The following CD96 variants were observed in gnomAD, a reference collection of about 807,000 sequenced individuals.
CD96 encodes the protein CD96 molecule.
CD96 carries 70 observed loss-of-function variants against 71.3 expected under a neutral mutation model. The ratio of observed to expected loss-of-function variants is 0.98; its 90% CI spans 0.81 to 1.20. CD96 has a LOEUF of 1.20. Ranked by LOEUF, CD96 falls within the 50% of genes most tolerant of loss-of-function variation. CD96 has a pLI of 0.00. For synonymous variants in CD96, 248 were observed against 233.0 expected, an observed-to-expected ratio of 1.06 and a Z score of -0.59; for missense variants, 742 against 677.5, an observed-to-expected ratio of 1.10 and a Z score of -1.06.
chr3:111,593,172 AGCCT>A, intron 5 of CD96: 1 of 170,854 alleles, frequency 5.9e-6, no homozygotes, highest in South Asian at 1.7e-4. Flanking sequence ...CTACCTAACC[AGCCT>A]CAGCCCTCAA....
At chr3:111,580,315 A>G (rs574147969) in intron 4 of CD96, among the ~76,000 whole-genome samples, 101 of 152,348 alleles carry the variant, frequency 6.6e-4, no homozygotes, top group Middle Eastern at 3.4e-3. Context: ...CAGTGGTACA[A>G]GGAAGTACCA....
chr3:111,587,008 C>A (rs1157656696), intron 5 of CD96, among the ~76,000 whole-genome samples: 1 of 152,088 alleles, frequency 6.6e-6, no homozygotes, highest in Non-Finnish European at 1.5e-5. Context: ...TGCCTATGAA[C>A]CTGTAAAATC....
At chr3:111,608,198 A>G (rs1472132245) in intron 8 of CD96, among the ~76,000 whole-genome samples, 2 of 142,386 alleles carry the variant, frequency 1.4e-5, no homozygotes, top group Admixed American at 6.8e-5. Context: ...TCCTCAGCAC[A>G]TGGTCTTCTC....
intron 2 of CD96, among the ~76,000 whole-genome samples, chr3:111,556,392 C>A (rs1257346549): frequency 8.7e-6 from 1 of 115,132 alleles, no homozygotes; most frequent in Non-Finnish European, 1.7e-5. Context: ...GTGTGATATT[C>A]CCCTTCCTGT....
At chr3:111,646,695 C>T (rs144763350) in intron 12 of CD96, among the ~76,000 whole-genome samples, 2 of 151,908 alleles carry the variant, frequency 1.3e-5, no homozygotes, top group African/African-American at 4.8e-5. Flanking sequence ...ACTATTTGAT[C>T]CAGCAATCTC....
At chr3:111,580,469 AT>A (rs935597531) in intron 4 of CD96, among the ~76,000 whole-genome samples, 1 of 142,278 alleles carries the variant, frequency 7.0e-6, no homozygotes, top group African/African-American at 2.6e-5. Flanking sequence ...ACAATTAATT[AT>A]TTTTGAAAAT....
At chr3:111,641,551 G>A (rs1457048689) in intron 12 of CD96, among the ~76,000 whole-genome samples, 1 of 152,040 alleles carries the variant, frequency 6.6e-6, no homozygotes, top group African/African-American at 2.4e-5. Flanking sequence ...ATAATAGTGG[G>A]GGACTTCAAT....
At chr3:111,591,330 G>A (rs372375490) in intron 5 of CD96, among the ~76,000 whole-genome samples, 20 of 131,706 alleles carry the variant, frequency 1.5e-4, no homozygotes, top group East Asian at 9.8e-4. Flanking sequence ...CCAAGATCGC[G>A]CCACTGCACT....
intron 10 of CD96, among the ~76,000 whole-genome samples, chr3:111,626,095 A>G (rs1460761003): frequency 1.3e-5 from 2 of 152,028 alleles, no homozygotes; most frequent in Non-Finnish European, 1.5e-5. Context: ...CGAGGTCAGG[A>G]GATCAAGACC....
intron 10 of CD96, among the ~76,000 whole-genome samples, chr3:111,635,818 C>A (rs1939300959): frequency 6.6e-6 from 1 of 152,076 alleles, no homozygotes; most frequent in African/African-American, 2.4e-5. Flanking sequence ...TGATGAGATA[C>A]AAAATAAAGA....
At chr3:111,604,735 T>A (rs1044845231) in intron 7 of CD96, among the ~76,000 whole-genome samples, 1 of 152,206 alleles carries the variant, frequency 6.6e-6, no homozygotes, top group Non-Finnish European at 1.5e-5. Context: ...CGCACCAATA[T>A]CTTCTGTTCC....
At chr3:111,552,923 T>C (rs967405151) in intron 2 of CD96, among the ~76,000 whole-genome samples, 3 of 152,134 alleles carry the variant, frequency 2.0e-5, no homozygotes, top group African/African-American at 7.2e-5. Flanking sequence ...TATAGAATAA[T>C]TTCCCACATA....
At chr3:111,559,191 TTG>T (rs1289944689) in intron 2 of CD96, among the ~76,000 whole-genome samples, 2 of 149,800 alleles carry the variant, frequency 1.3e-5, no homozygotes, top group Non-Finnish European at 3.0e-5. Flanking sequence ...GAATGGTTTT[TTG>T]TGTCTCTATT....
At chr3:111,640,507 T>G (rs1280204934) in intron 12 of CD96, among the ~76,000 whole-genome samples, 1 of 152,154 alleles carries the variant, frequency 6.6e-6, no homozygotes, top group Non-Finnish European at 1.5e-5. Context: ...CAACCAAACT[T>G]ATGAATAATT....
chr3:111,593,182 CTCAAAATCG>C (rs1337381932), intron 5 of CD96: 1 of 173,952 alleles, frequency 5.7e-6, no homozygotes, highest in East Asian at 1.6e-4. Context: ...AGCCTCAGCC[CTCAAAATCG>C]TCAGCTCCAC....
At chr3:111,630,605 C>A (rs959992717) in intron 10 of CD96, among the ~76,000 whole-genome samples, 9 of 152,184 alleles carry the variant, frequency 5.9e-5, no homozygotes, top group African/African-American at 2.2e-4. Flanking sequence ...ACCATTCCTA[C>A]TGAAACCATT....
chr3:111,598,974 T>C (rs560530152), intron 6 of CD96, among the ~76,000 whole-genome samples: 1 of 152,218 alleles, frequency 6.6e-6, no homozygotes, highest in East Asian at 1.9e-4. Context: ...TTTATTTTAT[T>C]TTATTTTATT....
chr3:111,662,306 T>G (rs1940378055), intron 14 of CD96, among the ~76,000 whole-genome samples: 1 of 152,254 alleles, frequency 6.6e-6, no homozygotes, highest in Non-Finnish European at 1.5e-5. Context: ...GGTGCTGCTG[T>G]GAAGGTCTCT....
At chr3:111,630,035 C>A (rs1485046027) in intron 10 of CD96, among the ~76,000 whole-genome samples, 1 of 152,108 alleles carries the variant, frequency 6.6e-6, no homozygotes, top group Non-Finnish European at 1.5e-5. Context: ...AAATCGATAG[C>A]ACTAAATGCT....
Sources: allele counts gnomAD v4.1 joint callset (sites outside exome capture counted in the v4.1 genomes callset), GRCh38; gene constraint gnomAD v4.1.1; transcripts MANE v1.5; gene names NCBI Gene and HGNC (gene_info 2026-07-23, HGNC 2026-07-21).